Variants in NAALADL2 observed in about 807,000 individuals in gnomAD.
The protein encoded by NAALADL2 is N-acetylated alpha-linked acidic dipeptidase like 2.
Under a neutral mutation model 87.2 loss-of-function variants are expected in NAALADL2, and 76 were observed. The ratio of observed to expected loss-of-function variants is 0.87; its 90% CI spans 0.72 to 1.05. NAALADL2 has a LOEUF of 1.05. Among genes scored for constraint, NAALADL2 ranks in the 50% least tolerant of loss-of-function variants. NAALADL2 has a pLI of 0.00. For missense variants in NAALADL2, 1,089 were observed against 945.8 expected (o/e 1.15, Z -1.99); for synonymous variants, 354 against 331.0 (o/e 1.07, Z -0.75).
At chr3:175,170,399 C>A in intron 2 of NAALADL2, among the ~76,000 whole-genome samples, 1 of 146,624 alleles carries the variant, frequency 6.8e-6, no homozygotes, top group Non-Finnish European at 1.5e-5. Context: ...AAAAATGGAG[C>A]AATAGGGTAT....
At chr3:174,734,509 T>C (rs1478486127) in intron 2 of NAALADL2, among the ~76,000 whole-genome samples, 1 of 152,176 alleles carries the variant, frequency 6.6e-6, no homozygotes, top group Non-Finnish European at 1.5e-5. Flanking sequence ...TGTCAGGTTC[T>C]TACATGGCAG....
chr3:175,709,699 C>T (rs1450196725), intron 11 of NAALADL2, among the ~76,000 whole-genome samples: 1 of 152,074 alleles, frequency 6.6e-6, no homozygotes, highest in African/African-American at 2.4e-5. Context: ...GAAGTATCAG[C>T]ATTTCACAAA....
chr3:174,587,725 G>A (rs556017376), intron 2 of NAALADL2, among the ~76,000 whole-genome samples: 29 of 152,288 alleles, frequency 1.9e-4, no homozygotes, highest in African/African-American at 7.0e-4. Flanking sequence ...CTGGCTTGTA[G>A]AGTTTCTGCC....
At chr3:175,793,392 C>G (rs1248109753) in intron 13 of NAALADL2, among the ~76,000 whole-genome samples, 6 of 149,954 alleles carry the variant, frequency 4.0e-5, no homozygotes, top group Admixed American at 2.0e-4. Context: ...TCACTGCAAG[C>G]TCGGCCACCC....
At chr3:174,602,299 C>T (rs893565420) in intron 2 of NAALADL2, among the ~76,000 whole-genome samples, 1 of 151,946 alleles carries the variant, frequency 6.6e-6, no homozygotes, top group Non-Finnish European at 1.5e-5. Flanking sequence ...CAATTTCTTT[C>T]ATCAGTTTTT....
chr3:174,615,322 T>C (rs1290474137), intron 2 of NAALADL2, among the ~76,000 whole-genome samples: 2 of 152,214 alleles, frequency 1.3e-5, no homozygotes, highest in African/African-American at 4.8e-5. Context: ...TTAGACAGTG[T>C]TCCACAAATC....
intron 1 of NAALADL2, among the ~76,000 whole-genome samples, chr3:174,485,002 T>C (rs1717763927): frequency 6.6e-6 from 1 of 152,032 alleles, no homozygotes; most frequent in Non-Finnish European, 1.5e-5. Context: ...CGTAAATAAT[T>C]GGGGTCCCAA....
intron 1 of NAALADL2, among the ~76,000 whole-genome samples, chr3:175,004,070 A>G (rs1180457210): frequency 6.6e-6 from 1 of 152,136 alleles, no homozygotes; most frequent in East Asian, 1.9e-4. Flanking sequence ...GTGTACAGTA[A>G]CCTTTTAATC....
chr3:175,193,639 G>A (rs1339967551), intron 2 of NAALADL2, among the ~76,000 whole-genome samples: 2 of 151,534 alleles, frequency 1.3e-5, no homozygotes, highest in Admixed American at 6.6e-5. Flanking sequence ...AATATTAGAG[G>A]CAAAGTCTCC....
chr3:174,999,879 C>T (rs780098057), intron 1 of NAALADL2, among the ~76,000 whole-genome samples: 11 of 151,970 alleles, frequency 7.2e-5, no homozygotes, highest in South Asian at 2.1e-4. Context: ...ACTTTGCAGG[C>T]GGATACAACA....
intron 1 of NAALADL2, among the ~76,000 whole-genome samples, chr3:175,014,824 T>C (rs1750610886): frequency 6.6e-6 from 1 of 152,114 alleles, no homozygotes; most frequent in South Asian, 2.1e-4. Flanking sequence ...ATTTCTCTCT[T>C]TCTTTTCCTT....
At chr3:175,455,122 A>G (rs2149246636) in intron 6 of NAALADL2, among the ~76,000 whole-genome samples, 1 of 152,200 alleles carries the variant, frequency 6.6e-6, no homozygotes, top group East Asian at 1.9e-4. Flanking sequence ...TTAGTCAAGC[A>G]GAGTTGTCAC....
intron 5 of NAALADL2, among the ~76,000 whole-genome samples, chr3:175,349,227 G>A (rs1410418247): frequency 7.2e-6 from 1 of 138,486 alleles, no homozygotes; most frequent in Non-Finnish European, 1.5e-5. Context: ...AAAAAAAGAT[G>A]TCCAGTGTAA....
intron 1 of NAALADL2, among the ~76,000 whole-genome samples, chr3:175,066,036 C>G (rs761189216): frequency 1.3e-5 from 2 of 152,094 alleles, no homozygotes; most frequent in Admixed American, 6.6e-5. Flanking sequence ...GAGATTCAAC[C>G]AGTTAGCCCC....
chr3:174,806,864 C>T (rs1719568034), intron 3 of NAALADL2, among the ~76,000 whole-genome samples: 1 of 151,998 alleles, frequency 6.6e-6, no homozygotes, highest in Non-Finnish European at 1.5e-5. Context: ...AGTGCATTTT[C>T]TCAGATACAA....
intron 2 of NAALADL2, among the ~76,000 whole-genome samples, chr3:175,214,067 CAA>C (rs1475366909): frequency 2.0e-5 from 3 of 152,034 alleles, no homozygotes; most frequent in African/African-American, 4.8e-5. Context: ...AAAATATACT[CAA>C]TATGAGCCAA....
intron 5 of NAALADL2, among the ~76,000 whole-genome samples, chr3:175,393,304 A>AAG (rs1769315388): frequency 6.7e-6 from 1 of 149,498 alleles, no homozygotes; most frequent in Non-Finnish European, 1.5e-5. Context: ...AAAAAAAAAA[A>AAG]AAAAAAAAAA....
intron 10 of NAALADL2, among the ~76,000 whole-genome samples, chr3:175,576,845 A>G (rs113201104): frequency 6.9e-4 from 105 of 152,268 alleles, no homozygotes; most frequent in Admixed American, 9.2e-4. Context: ...ATTCGGAGCT[A>G]TTTGAAAGCC....
chr3:175,048,465 A>G (rs1754952921), intron 1 of NAALADL2, among the ~76,000 whole-genome samples: 1 of 150,120 alleles, frequency 6.7e-6, no homozygotes, highest in African/African-American at 2.4e-5. Context: ...TTGTTTGTTC[A>G]TTTGAAGCCA....
Sources: gnomAD v4.1 joint callset for allele counts (sites outside exome capture counted in the v4.1 genomes callset) on GRCh38, gnomAD v4.1.1 for gene constraint, MANE v1.5 for transcripts, NCBI Gene and HGNC (gene_info 2026-07-23, HGNC 2026-07-21) for gene names.